VIT: variants seen among roughly 807,000 people sequenced by gnomAD.
The protein encoded by VIT is vitrin.
VIT carries 99 observed loss-of-function variants against 78.0 expected under a neutral mutation model. The observed-to-expected ratio is 1.27, with a 90% CI of 1.08 to 1.50. The LOEUF (loss-of-function observed/expected upper bound fraction) is 1.50. VIT is among the 40% of genes most tolerant of loss of function. The probability of loss-of-function intolerance (pLI) is 0.00; values close to 1 mark genes in which losing one functional copy is unlikely to be tolerated. For missense variants in VIT, 1,126 were observed against 875.3 expected, an observed-to-expected ratio of 1.29 and a Z score of -3.61; for synonymous variants, 374 against 334.3, an observed-to-expected ratio of 1.12 and a Z score of -1.29.
Position 36,812,350 on chromosome 2 carries a change from C to A in VIT, c.1904-1833C>A, listed in dbSNP as rs368617158. ...CCAGGGCAGGAAGGCTACATCCAGG[C>A]TCTGCCCTCTGTTTCATGGCCATTT... On this transcript the variant is annotated intron_variant, in intron 15 of 15. Coordinates refer to ENST00000379242, the MANE Select transcript of VIT (RefSeq NM_053276.4). Among the ~76,000 whole-genome samples the A allele has an allele frequency of 5.0e-4, 76 of 152,262 alleles. 1 individual carries two copies. The highest frequency in any genetic ancestry group is 1.7e-3 in the African/African-American group (70 of 41,554).
intron 4 of VIT, among the ~76,000 whole-genome samples, chr2:36,746,678 G>A (rs1442278032): frequency 1.3e-5 from 2 of 151,688 alleles, no homozygotes; most frequent in Non-Finnish European, 2.9e-5. Flanking sequence ...TGCATTTTTG[G>A]GTCTTCTTTC....
rs914895570 is a variant in VIT at position 36,698,788 on chromosome 2, A to T, written c.-19+1815A>T. On this transcript the variant is annotated intron_variant, in intron 1 of 15. Coordinates refer to ENST00000379242, the MANE Select transcript of VIT (RefSeq NM_053276.4). ...GTGAAACCCCATCTCTACCAAAAAT[A>T]CAAAAATTAGCCAGGCATGATGGCG... Among the ~76,000 whole-genome samples, 7 of 152,156 alleles carry T rather than the reference A, an allele frequency of 4.6e-5. No homozygotes were observed. In the East Asian group the frequency reaches 9.7e-4, roughly 21 times the overall value.
chr2:36,752,371 T>G (rs1195528778), intron 4 of VIT, among the ~76,000 whole-genome samples: 2 of 152,066 alleles, frequency 1.3e-5, no homozygotes, highest in Non-Finnish European at 2.9e-5. Flanking sequence ...GCCCTAGCAG[T>G]GAACTATCCC....
intron 6 of VIT, among the ~76,000 whole-genome samples, chr2:36,760,375 A>AT (rs766024120): frequency 6.2e-4 from 93 of 151,184 alleles, no homozygotes; most frequent in Non-Finnish European, 7.8e-4. Context: ...CAAATAAGGA[A>AT]TTTTTTTTGT....
Position 36,777,208 on chromosome 2 carries a change from T to C in VIT, c.802+2141T>C, listed in dbSNP as rs537326126. Reference sequence around the variant, plus strand: ...GTGCACAGTTGTAATTTCTAAATGATAAAAATTAATAGATATAACTCGTAC... The same window carrying C: ...GTGCACAGTTGTAATTTCTAAATGACAAAAATTAATAGATATAACTCGTAC... On this transcript the variant is annotated intron_variant, in intron 9 of 15. Coordinates refer to ENST00000379242, the MANE Select transcript of VIT (RefSeq NM_053276.4). 1.3e-4 allele frequency among the ~76,000 whole-genome samples: 20 copies of C among 151,294 alleles called. 1 individual carries two copies. Among genetic ancestry groups the C allele is most frequent in the South Asian group, 1.1e-3 (5 of 4,752 alleles).
chr2:36,747,866 T>C (rs1239736686), intron 4 of VIT, among the ~76,000 whole-genome samples: 1 of 152,196 alleles, frequency 6.6e-6, no homozygotes, highest in Non-Finnish European at 1.5e-5. Context: ...TGAACTTAAG[T>C]GTGTTTTTGT....
chr2:36,777,011 C>T (rs1421894578), intron 9 of VIT, among the ~76,000 whole-genome samples: 1 of 148,122 alleles, frequency 6.8e-6, no homozygotes, highest in Non-Finnish European at 1.5e-5. Context: ...ATGGCATGAA[C>T]CCAGGAGGCG....
In VIT at chr2:36,776,834, T is replaced by TA. The variant is rs575466980; in HGVS notation, c.802+1768dup. On this transcript the variant is annotated intron_variant, in intron 9 of 15. Transcript: ENST00000379242. ...GGCCTGGCGCGGTGGCTCACACCTG[T>TA]ATCCCAGCACTTTGGGAGGCCAAGG... Among the ~76,000 whole-genome samples, 347 of 149,564 alleles carry TA rather than the reference T, an allele frequency of 2.3e-3. 1 individual carries two copies. Among genetic ancestry groups the TA allele is most frequent in the East Asian group, 3.2e-3 (16 of 5,004 alleles).
chr2:36,729,821 T>C (rs1558521073), intron 3 of VIT, among the ~76,000 whole-genome samples: 1 of 152,154 alleles, frequency 6.6e-6, no homozygotes, highest in Non-Finnish European at 1.5e-5. Context: ...CAATTCCCCA[T>C]ACCAGAAAAC....
At chr2:36,785,401 C>G (rs1209674567) in intron 11 of VIT, among the ~76,000 whole-genome samples, 2 of 151,336 alleles carry the variant, frequency 1.3e-5, no homozygotes, top group African/African-American at 4.9e-5. Flanking sequence ...CAAGCCCCGC[C>G]AGAAAAAAAA....
At chr2:36,776,442 GT>G (rs35789301) in intron 9 of VIT, among the ~76,000 whole-genome samples, 6 of 151,894 alleles carry the variant, frequency 4.0e-5, no homozygotes, top group South Asian at 4.2e-4. Flanking sequence ...TTAGAAAACA[GT>G]TTTTTTTCAG....
At chr2:36,778,213 T>C (rs1670186095) in intron 9 of VIT, among the ~76,000 whole-genome samples, 1 of 152,262 alleles carries the variant, frequency 6.6e-6, no homozygotes, top group Admixed American at 6.5e-5. Context: ...TCTAGAATTA[T>C]GCTGCTGGGG....
intron 12 of VIT, 66 bp from the exon 13 acceptor site, chr2:36,801,235 A>T: frequency 7.2e-7 from 1 of 1,389,010 alleles, no homozygotes; most frequent in Non-Finnish European, 1.0e-6. Context: ...ATCAACCATG[A>T]TCTCTGCCTT....
chr2:36,751,840 T>C (rs796523692), intron 4 of VIT, among the ~76,000 whole-genome samples: 1 of 152,194 alleles, frequency 6.6e-6, no homozygotes, highest in South Asian at 2.1e-4. Context: ...GGTACCACTA[T>C]TCAAAGGGAA....
intron 4 of VIT, among the ~76,000 whole-genome samples, chr2:36,747,258 G>A (rs1482462771): frequency 1.3e-5 from 2 of 152,178 alleles, no homozygotes; most frequent in South Asian, 2.1e-4. Context: ...GTGCAGATGA[G>A]AAGAATGTGT....
intron 1 of VIT, among the ~76,000 whole-genome samples, chr2:36,715,769 C>T (rs1004788324): frequency 6.6e-6 from 1 of 152,166 alleles, no homozygotes. Context: ...AACCACTGCT[C>T]TACAAACTTC....
At chr2:36,790,900 G>C (rs1435927924) in intron 12 of VIT, among the ~76,000 whole-genome samples, 1 of 64,838 alleles carries the variant, frequency 1.5e-5, no homozygotes, top group Non-Finnish European at 2.9e-5. Flanking sequence ...CACGGAAAGA[G>C]TCAATGAAAG....
At chr2:36,745,670 T>C (rs1668093934) in intron 4 of VIT, among the ~76,000 whole-genome samples, 1 of 152,170 alleles carries the variant, frequency 6.6e-6, no homozygotes, top group South Asian at 2.1e-4. Context: ...ATTCGGAAAA[T>C]TTACTGAAAT....
At chr2:36,803,198 G>A (rs1252068468) in intron 13 of VIT, among the ~76,000 whole-genome samples, 1 of 152,082 alleles carries the variant, frequency 6.6e-6, no homozygotes, top group African/African-American at 2.4e-5. Flanking sequence ...GCACCTCTGC[G>A]GACAGTATCC....
Sources: gnomAD v4.1 joint callset for allele counts (sites outside exome capture counted in the v4.1 genomes callset) on GRCh38, gnomAD v4.1.1 for gene constraint, MANE v1.5 for transcripts, NCBI Gene and HGNC (gene_info 2026-07-23, HGNC 2026-07-21) for gene names.